Variants in PDE3A observed in about 807,000 individuals in gnomAD.
PDE3A encodes cGMP-inhibited 3',5'-cyclic phosphodiesterase 3A.
Under a neutral mutation model 98.3 loss-of-function variants are expected in PDE3A, and 43 were observed. The ratio of observed to expected loss-of-function variants is 0.44; its 90% CI spans 0.34 to 0.56. PDE3A has a LOEUF of 0.56. PDE3A is among the 20% of genes least tolerant of loss of function. The pLI is 0.01. For synonymous variants in PDE3A, 663 were observed against 567.9 expected, an observed-to-expected ratio of 1.17 and a Z score of -2.38; for missense variants, 1,427 against 1,440.7, an observed-to-expected ratio of 0.99 and a Z score of 0.15.
rs561688591 is a variant in PDE3A, at chr12:20,423,372, G to A, written c.960+53128G>A. ...ACACAATGTAAACACCTATGCATAT[G>A]TGCTCATATCTGTTTTAGTTGACTT... On this transcript the variant is annotated intron_variant, in intron 1 of 15. Transcript: ENST00000359062. 1.6e-3 allele frequency among the ~76,000 whole-genome samples: 240 copies of A among 152,230 alleles called. 1 individual carries two copies. The highest frequency in any genetic ancestry group is 5.5e-3 in the African/African-American group (230 of 41,536).
At chr12:20,491,211 A>G (rs1720214347) in intron 1 of PDE3A, among the ~76,000 whole-genome samples, 1 of 152,240 alleles carries the variant, frequency 6.6e-6, no homozygotes, top group African/African-American at 2.4e-5. Flanking sequence ...CCAATACCCA[A>G]ACCGAAAGTG....
At chr12:20,478,714 A>G (rs940295631) in intron 1 of PDE3A, among the ~76,000 whole-genome samples, 12 of 152,208 alleles carry the variant, frequency 7.9e-5, no homozygotes, top group Admixed American at 5.2e-4. Flanking sequence ...TCCTTTTCAT[A>G]ATCAGGACAA....
At chr12:20,520,614 T>A (rs1364464958) in intron 1 of PDE3A, among the ~76,000 whole-genome samples, 5 of 152,238 alleles carry the variant, frequency 3.3e-5, no homozygotes, top group Non-Finnish European at 7.3e-5. Flanking sequence ...TGTTTTACTG[T>A]ATGCTTATGA....
At position 20,429,960 on chromosome 12, in the gene PDE3A, A is replaced by G. The variant is rs184066389; in HGVS notation, c.960+59716A>G. On this transcript the variant is annotated intron_variant, in intron 1 of 15. Transcript: ENST00000359062. ...TAGGCTTGAACTCTGAAATGCCCCTAAATGTTTTTAAAATTTCTTTGTGTA... is the reference window on the plus strand; with the variant it reads ...TAGGCTTGAACTCTGAAATGCCCCTGAATGTTTTTAAAATTTCTTTGTGTA... 7.9e-5 allele frequency among the ~76,000 whole-genome samples: 12 copies of G among 152,240 alleles called. No homozygotes were observed. In the East Asian group the frequency reaches 2.3e-3, roughly 29 times the overall value.
intron 1 of PDE3A, among the ~76,000 whole-genome samples, chr12:20,478,224 G>T (rs1945562856): frequency 6.6e-6 from 1 of 152,030 alleles, no homozygotes; most frequent in South Asian, 2.1e-4. Context: ...CCCATGTAGG[G>T]GAGTCATGTT....
intron 14 of PDE3A, among the ~76,000 whole-genome samples, chr12:20,653,542 T>G (rs967450007): frequency 8.5e-5 from 13 of 152,148 alleles, no homozygotes; most frequent in African/African-American, 2.9e-4. Flanking sequence ...TTTTGTATTT[T>G]TAATAGAGAC....
chr12:20,398,995 C>T (rs910876142), intron 1 of PDE3A, among the ~76,000 whole-genome samples: 22 of 152,132 alleles, frequency 1.4e-4, no homozygotes, highest in African/African-American at 4.1e-4. Context: ...TCCTCCCAGC[C>T]CCTGGTAACT....
intron 1 of PDE3A, among the ~76,000 whole-genome samples, chr12:20,395,470 T>A (rs1265358601): frequency 7.4e-6 from 1 of 135,516 alleles, no homozygotes; most frequent in African/African-American, 2.8e-5. Context: ...TATATATGTA[T>A]ACTATGTATA....
At chr12:20,508,363 T>G (rs1946155501) in intron 1 of PDE3A, among the ~76,000 whole-genome samples, 1 of 151,658 alleles carries the variant, frequency 6.6e-6, no homozygotes, top group Non-Finnish European at 1.5e-5. Flanking sequence ...TAAAATTTAC[T>G]CATATATAAT....
chr12:20,517,201 C>T (rs1465410895), intron 1 of PDE3A, among the ~76,000 whole-genome samples: 1 of 152,152 alleles, frequency 6.6e-6, no homozygotes, highest in Non-Finnish European at 1.5e-5. Context: ...ATTTGTTGTA[C>T]TTGTTATCAT....
At chr12:20,635,192 G>T (rs533345642) in intron 8 of PDE3A, 136 bp downstream of exon 8, 12 of 701,992 alleles carry the variant, frequency 1.7e-5, no homozygotes, top group Non-Finnish European at 2.4e-5. Context: ...AGGACGAAGC[G>T]GGCAGATCAC....
intron 1 of PDE3A, among the ~76,000 whole-genome samples, chr12:20,437,598 A>G (rs1265293175): frequency 6.6e-6 from 1 of 152,042 alleles, no homozygotes; most frequent in Non-Finnish European, 1.5e-5. Context: ...AAGGGAGCAA[A>G]GTGAACACCG....
chr12:20,505,836 T>C (rs1321991028), intron 1 of PDE3A, among the ~76,000 whole-genome samples: 2 of 152,006 alleles, frequency 1.3e-5, no homozygotes, highest in African/African-American at 4.8e-5. Context: ...CAAGAAAATA[T>C]TTTTGTATAT....
chr12:20,404,984 C>T (rs989137237), intron 1 of PDE3A, among the ~76,000 whole-genome samples: 1 of 151,856 alleles, frequency 6.6e-6, no homozygotes, highest in South Asian at 2.1e-4. Context: ...TTATTTCTTC[C>T]CCCAAAATTT....
intron 1 of PDE3A, among the ~76,000 whole-genome samples, chr12:20,414,435 TTC>T (rs1355249357): frequency 6.6e-6 from 1 of 152,208 alleles, no homozygotes; most frequent in African/African-American, 2.4e-5. Context: ...CTGTATAAAT[TTC>T]TCTAAGTCAT....
intron 1 of PDE3A, among the ~76,000 whole-genome samples, chr12:20,485,881 A>G (rs571468255): frequency 8.1e-4 from 123 of 152,308 alleles, no homozygotes; most frequent in African/African-American, 2.8e-3. Flanking sequence ...TGTAAATCCA[A>G]TCATTCAGAT....
chr12:20,496,495 T>A (rs936262868), intron 1 of PDE3A, among the ~76,000 whole-genome samples: 1 of 152,110 alleles, frequency 6.6e-6, no homozygotes, highest in African/African-American at 2.4e-5. Context: ...GATGTTCTCA[T>A]GGACCTGGGT....
chr12:20,539,099 G>A (rs1437100043), intron 1 of PDE3A, among the ~76,000 whole-genome samples: 4 of 152,204 alleles, frequency 2.6e-5, no homozygotes, highest in South Asian at 4.1e-4. Flanking sequence ...ATGGAAGATA[G>A]ACAAAAGCAA....
intron 15 of PDE3A, among the ~76,000 whole-genome samples, chr12:20,655,598 C>T (rs1945024127): frequency 6.6e-6 from 1 of 152,100 alleles, no homozygotes; most frequent in South Asian, 2.1e-4. Context: ...AAGCCTAAAA[C>T]AAAACAAAAC....
Sources: allele counts gnomAD v4.1 joint callset (sites outside exome capture counted in the v4.1 genomes callset), GRCh38; gene constraint gnomAD v4.1.1; transcripts MANE v1.5; gene names NCBI Gene and HGNC (gene_info 2026-07-23, HGNC 2026-07-21).